Variants in HTR2A observed in about 807,000 individuals in gnomAD.
HTR2A encodes the protein 5-HT2 receptor.
Under a neutral mutation model 31.0 loss-of-function variants are expected in HTR2A, and 14 were observed. That is an observed-to-expected ratio of 0.45 (90% CI 0.30 to 0.71). HTR2A has a LOEUF of 0.71. Ranked by LOEUF, HTR2A falls within the 30% of genes least tolerant of loss-of-function variation. HTR2A has a pLI of 0.09. For synonymous variants in HTR2A, 209 were observed against 225.2 expected, an observed-to-expected ratio of 0.93 and a Z score of 0.64; for missense variants, 442 against 573.3, an observed-to-expected ratio of 0.77 and a Z score of 2.34.
chr13:46,838,904 C>A (rs1186253764), intron 3 of HTR2A, among the ~76,000 whole-genome samples: 1 of 151,834 alleles, frequency 6.6e-6, no homozygotes, highest in Non-Finnish European at 1.5e-5. Context: ...TCTCAATTAA[C>A]CAGAATGTGG....
At chr13:46,841,627 C>A (rs756397136) in intron 3 of HTR2A, among the ~76,000 whole-genome samples, 7 of 152,094 alleles carry the variant, frequency 4.6e-5, no homozygotes, top group Non-Finnish European at 1.0e-4. Flanking sequence ...CAGTTGTGCA[C>A]TGCAGAAGCT....
chr13:46,849,266 T>C (rs1950664607), intron 3 of HTR2A, among the ~76,000 whole-genome samples: 1 of 152,216 alleles, frequency 6.6e-6, no homozygotes, highest in South Asian at 2.1e-4. Flanking sequence ...CTGCAAAATA[T>C]ACTTTTTGAC....
chr13:46,880,707 C>T (rs910833593), intron 3 of HTR2A, among the ~76,000 whole-genome samples: 2 of 152,036 alleles, frequency 1.3e-5, no homozygotes, highest in East Asian at 1.9e-4. Context: ...GGTGTGGTGG[C>T]GGGCACCTGT....
intron 3 of HTR2A, among the ~76,000 whole-genome samples, chr13:46,839,497 A>G (rs773461204): frequency 2.4e-4 from 36 of 152,204 alleles, no homozygotes; most frequent in Non-Finnish European, 4.3e-4. Flanking sequence ...GGCATTAATT[A>G]TCTGGCTGCT....
chr13:46,853,131 C>A (rs987417735), intron 3 of HTR2A, among the ~76,000 whole-genome samples: 5 of 152,092 alleles, frequency 3.3e-5, no homozygotes, highest in African/African-American at 1.2e-4. Flanking sequence ...TTTCTTGTGA[C>A]TTTATATCCC....
Position 46,892,439 on chromosome 13 carries a change from G to A in HTR2A, c.564C>T (p.Ser188=). The A allele has an allele frequency of 6.2e-7, 1 of 1,614,232 alleles. No individual in the cohort carries two copies. Among genetic ancestry groups the A allele is most frequent in the Non-Finnish European group, 8.5e-7 (1 of 1,180,036 alleles). ...TGATTTTCAGAAATGCCTTAGTTCT[G>A]GAGTTGAAGCGGCTGTGGTGGATGG... ...QNPIHHSRFN[S]RTKAFLKIIA... is the part of the protein sequence containing the mutation. Residue 188 remains serine, a synonymous_variant, in exon 3 of 4, where the codon TCC becomes TCT. Transcript: ENST00000542664.
At position 46,833,090 on chromosome 13, in the gene HTR2A, C is replaced by T. The variant is rs2138333751; in HGVS notation, c.*1747G>A. On this transcript the variant is annotated 3_prime_UTR_variant, in exon 4 of 4. Transcript: ENST00000542664. ...GGAGAAATAGAAGAAAAATTTTGCT[C>T]AAAACTATGGTAGTTATAAACTGGC... The T allele has an allele frequency of 6.6e-6, 1 of 152,134 alleles. No individual in the cohort carries two copies. Among genetic ancestry groups the T allele is most frequent in the East Asian group, 1.9e-4 (1 of 5,168 alleles). The allele number at this position is 152,134 out of a possible 1,614,324, so 9.4% of individuals were successfully genotyped here.
chr13:46,835,569 T>A lies in HTR2A; in HGVS notation c.684A>T (p.Leu228Phe). 1 of 1,614,006 alleles carries A rather than the reference T, an allele frequency of 6.2e-7. No individual in the cohort carries two copies. Among genetic ancestry groups the A allele is most frequent in the Non-Finnish European group, 8.5e-7 (1 of 1,179,962 alleles). The part of the protein sequence containing the change: ...DSKVFKEGSC[L>F]LADDNFVLIG... ...TCAGGACAAAGTTATCATCGGCGAG[T>A]AAGCAACTCCCCTCCTTAAAGACCT... The change falls in exon 4 of 4, where the codon TTA becomes TTT. Residue 228 changes from leucine to phenylalanine, a missense_variant. Around this residue, in one of 5 missense-constraint regions of HTR2A, gnomAD observed 174 missense variants for 195.1 expected, o/e 0.89. Coordinates refer to ENST00000542664, the MANE Select transcript of HTR2A (RefSeq NM_000621.5).
chr13:46,848,782 G>A (rs1360827568), intron 3 of HTR2A, among the ~76,000 whole-genome samples: 9 of 152,110 alleles, frequency 5.9e-5, no homozygotes, highest in Admixed American at 4.6e-4. Context: ...CATCAGAAGA[G>A]TTTAGTTAGC....
chr13:46,858,452 G>GGAT (rs1207900643), intron 3 of HTR2A, among the ~76,000 whole-genome samples: 1 of 152,088 alleles, frequency 6.6e-6, no homozygotes, highest in Non-Finnish European at 1.5e-5. Context: ...AGAGGGCTGT[G>GGAT]GATGGAAGGC....
At chr13:46,885,314 C>T (rs534835026) in intron 3 of HTR2A, among the ~76,000 whole-genome samples, 22 of 152,128 alleles carry the variant, frequency 1.4e-4, no homozygotes, top group Non-Finnish European at 2.5e-4. Context: ...GGCAGGATGG[C>T]GGGAGAGTTT....
Position 46,891,009 on chromosome 13 carries a change from C to T in HTR2A, c.613+1381G>A, listed in dbSNP as rs118045579. On this transcript the variant is annotated intron_variant, in intron 3 of 3. Transcript: ENST00000542664. ...CCAACTTGCACAGTCCCAGAAACTA[C>T]AAGCATTTTCTAGGAGCAAAAACTG... Among the ~76,000 whole-genome samples, 9 of 152,270 alleles carry T rather than the reference C, an allele frequency of 5.9e-5. No homozygotes were observed. The East Asian group carries it at 1.7e-3, about 29-fold the overall frequency.
At chr13:46,886,627 T>C (rs1566319060) in intron 3 of HTR2A, among the ~76,000 whole-genome samples, 1 of 151,966 alleles carries the variant, frequency 6.6e-6, no homozygotes. Context: ...GAATTCAAGG[T>C]CCCAAACCTG....
At chr13:46,877,487 A>C (rs954009383) in intron 3 of HTR2A, among the ~76,000 whole-genome samples, 5 of 152,186 alleles carry the variant, frequency 3.3e-5, no homozygotes, top group African/African-American at 1.2e-4. Flanking sequence ...ATATGGGGAA[A>C]GCAATCTAAA....
intron 2 of HTR2A, 118 bp from the exon 3 acceptor site, chr13:46,892,708 C>T (rs904787374): frequency 9.3e-6 from 7 of 753,282 alleles, no homozygotes; most frequent in Middle Eastern, 3.8e-4. Flanking sequence ...AAGGGCAACA[C>T]AATATATTTT....
intron 3 of HTR2A, among the ~76,000 whole-genome samples, chr13:46,890,993 A>G (rs928714720): frequency 6.6e-6 from 1 of 152,190 alleles, no homozygotes; most frequent in African/African-American, 2.4e-5. Flanking sequence ...TCCAACTTGC[A>G]CAGTCCCAGA....
At chr13:46,891,491 CTTA>C (rs1196043661) in intron 3 of HTR2A, among the ~76,000 whole-genome samples, 1 of 152,190 alleles carries the variant, frequency 6.6e-6, no homozygotes, top group African/African-American at 2.4e-5. Context: ...TGTGTTGGCT[CTTA>C]TTATTGGTAC....
At chr13:46,886,860 C>T (rs1245198615) in intron 3 of HTR2A, among the ~76,000 whole-genome samples, 2 of 152,186 alleles carry the variant, frequency 1.3e-5, no homozygotes, top group Non-Finnish European at 2.9e-5. Flanking sequence ...GGATATGAAA[C>T]TTGAAGCTCA....
chr13:46,876,197 T>C (rs940961941), intron 3 of HTR2A, among the ~76,000 whole-genome samples: 14 of 152,150 alleles, frequency 9.2e-5, no homozygotes, highest in Middle Eastern at 3.4e-3. Flanking sequence ...TCTCCATTTC[T>C]ACTGTTGAAA....
Sources: allele counts gnomAD v4.1 joint callset (sites outside exome capture counted in the v4.1 genomes callset), GRCh38; gene constraint gnomAD v4.1.1; regional missense constraint gnomAD v4.1.1; transcripts MANE v1.5; gene names NCBI Gene and HGNC (gene_info 2026-07-23, HGNC 2026-07-21).